PCNX2: variants seen among roughly 807,000 people sequenced by gnomAD.
PCNX2 encodes pecanex-like protein 2.
A neutral mutation model predicts 223.8 loss-of-function variants in PCNX2; 168 were observed. The ratio of observed to expected loss-of-function variants is 0.75; its 90% CI spans 0.66 to 0.85. The LOEUF is 0.85. Among genes scored for constraint, PCNX2 ranks in the 40% least tolerant of loss-of-function variants. The pLI, the probability that PCNX2 is intolerant of heterozygous loss-of-function variation, is 0.00. For synonymous variants in PCNX2, 1,006 were observed against 1,052.6 expected (o/e 0.96, Z 0.86); for missense variants, 2,507 against 2,675.5 (o/e 0.94, Z 1.39).
chr1:233,107,186 T>TACAC (rs112899127), intron 21 of PCNX2, among the ~76,000 whole-genome samples: 96 of 112,712 alleles, frequency 8.5e-4, no homozygotes, highest in Middle Eastern at 4.6e-3. Context: ...ACATGTATTA[T>TACAC]ACACACACAC....
At chr1:233,125,823 T>C (rs1453199583) in intron 21 of PCNX2, 1 of 152,188 alleles carries the variant, frequency 6.6e-6, no homozygotes, top group African/African-American at 2.4e-5. Flanking sequence ...AACTATGAAG[T>C]CAACAGATGG....
In PCNX2 at chr1:233,179,191, C is replaced by T; in HGVS notation, c.3067-16G>A. On this transcript the variant is annotated splice_polypyrimidine_tract_variant and intron_variant, in intron 15 of 33. Coordinates refer to ENST00000258229, the MANE Select transcript of PCNX2 (RefSeq NM_014801.4). ...TCCACGGTTCCTAAAGAAAAGACAT[C>T]AGTTAGCCAAGTCACTCCACAGCTG... is the stretch of plus-strand genomic sequence containing the variant. 1 of 1,612,756 alleles carries T rather than the reference C, an allele frequency of 6.2e-7. No individual in the cohort carries two copies. Among genetic ancestry groups the T allele is most frequent in the Non-Finnish European group, 8.5e-7 (1 of 1,179,088 alleles).
At chr1:233,033,612 C>T (rs1265719295) in intron 25 of PCNX2, among the ~76,000 whole-genome samples, 1 of 152,192 alleles carries the variant, frequency 6.6e-6, no homozygotes, top group Non-Finnish European at 1.5e-5. Context: ...AATAACATTG[C>T]ACAGTAAGTG....
At chr1:233,214,655 C>T (rs1186585289) in intron 12 of PCNX2, among the ~76,000 whole-genome samples, 1 of 152,136 alleles carries the variant, frequency 6.6e-6, no homozygotes, top group African/African-American at 2.4e-5. Flanking sequence ...TATATGGACA[C>T]CTGTGTAAGC....
chr1:233,236,050 T>C (rs1041528744), intron 9 of PCNX2, among the ~76,000 whole-genome samples: 1 of 148,796 alleles, frequency 6.7e-6, no homozygotes, highest in African/African-American at 2.5e-5. Context: ...AGGAAAAAGG[T>C]AAACAGAAAT....
chr1:233,294,939 C>T (rs2103033618), intron 1 of PCNX2, among the ~76,000 whole-genome samples: 1 of 152,184 alleles, frequency 6.6e-6, no homozygotes, highest in South Asian at 2.1e-4. Flanking sequence ...TTTTACATTT[C>T]GTTTTTCCTC....
intron 1 of PCNX2, among the ~76,000 whole-genome samples, chr1:233,263,945 G>A (rs1028506489): frequency 3.9e-5 from 6 of 152,154 alleles, no homozygotes; most frequent in Admixed American, 1.3e-4. Context: ...CTCCCACTGC[G>A]ATAACGCCTG....
In PCNX2 at chr1:232,984,387, CGA is replaced by C. The variant is rs1185256072; in HGVS notation, c.6329_6330del (p.Leu2110ArgfsTer64). The C allele has an allele frequency of 2.5e-6, 4 of 1,613,532 alleles. No homozygotes were observed. The highest frequency in any genetic ancestry group is 3.4e-6 in the Non-Finnish European group (4 of 1,179,844). On this transcript the variant is annotated frameshift_variant, in exon 34 of 34. Coordinates refer to ENST00000258229, the MANE Select transcript of PCNX2 (RefSeq NM_014801.4). LOFTEE classifies it high-confidence loss of function. ...TGGCTTGCTCTCCTGCAGACAACCCCGAGAGTGTCCGCCACAGCCTCAGCCAG... is the reference window on the plus strand; with the variant it reads ...TGGCTTGCTCTCCTGCAGACAACCCCGAGTGTCCGCCACAGCCTCAGCCAG... ...RCLAEAVADT[L>X]GVVCRRASQE...
intron 15 of PCNX2, among the ~76,000 whole-genome samples, chr1:233,185,909 T>C (rs1277725017): frequency 6.6e-6 from 1 of 152,178 alleles, no homozygotes; most frequent in Non-Finnish European, 1.5e-5. Flanking sequence ...TTTGAAATAT[T>C]TTTATGAGGT....
At chr1:233,235,830 G>C (rs1227401010) in intron 9 of PCNX2, among the ~76,000 whole-genome samples, 1 of 151,564 alleles carries the variant, frequency 6.6e-6, no homozygotes, top group Non-Finnish European at 1.5e-5. Flanking sequence ...TTGAACCCCT[G>C]ACCTCAGGTG....
At chr1:233,183,659 T>A (rs1005434549) in intron 15 of PCNX2, among the ~76,000 whole-genome samples, 1 of 152,212 alleles carries the variant, frequency 6.6e-6, no homozygotes, top group African/African-American at 2.4e-5. Flanking sequence ...CATTCATTCA[T>A]TCCTACAATG....
chr1:233,256,748 C>A (rs934053648), intron 5 of PCNX2, among the ~76,000 whole-genome samples: 1 of 152,158 alleles, frequency 6.6e-6, no homozygotes, highest in Non-Finnish European at 1.5e-5. Flanking sequence ...ATGATAAACA[C>A]CCAAATCTTT....
At chr1:233,054,661 C>T (rs1159987812) in intron 24 of PCNX2, 178 bp from the exon 25 acceptor site, 4 of 562,778 alleles carry the variant, frequency 7.1e-6, no homozygotes, top group Non-Finnish European at 1.2e-5. Context: ...CCAATTTTTT[C>T]CCTCAATATT....
the PCNX2 span, among the ~76,000 whole-genome samples, chr1:233,324,966 C>T: frequency 1.3e-5 from 2 of 152,158 alleles, no homozygotes; most frequent in African/African-American, 4.8e-5. Flanking sequence ...TATTACTACT[C>T]ATTGACAATG....
intron 26 of PCNX2, chr1:233,018,985 A>AG (rs1558166868): frequency 2.0e-6 from 2 of 985,358 alleles, no homozygotes; most frequent in Non-Finnish European, 2.4e-6. Context: ...ACCCTTTTCT[A>AG]GGGGGGCCCC....
In PCNX2 at chr1:233,110,167, T is replaced by C. The variant is rs1024514291; in HGVS notation, c.3838-14304A>G. ...ATATACAAATGAACAAATGAATAAATAAACAAACAACAAAAACCATATGCA... is the reference window on the plus strand; with the variant it reads ...ATATACAAATGAACAAATGAATAAACAAACAAACAACAAAAACCATATGCA... On this transcript the variant is annotated intron_variant, in intron 21 of 33. Coordinates refer to ENST00000258229, the MANE Select transcript of PCNX2 (RefSeq NM_014801.4). Among the ~76,000 whole-genome samples the C allele has an allele frequency of 4.6e-5, 7 of 151,674 alleles. No homozygotes were observed. The East Asian group carries it at 1.4e-3, about 29-fold the overall frequency.
chr1:233,255,645 C>A (rs1659695377), intron 5 of PCNX2, among the ~76,000 whole-genome samples: 1 of 152,094 alleles, frequency 6.6e-6, no homozygotes. Context: ...TGAGAATAAT[C>A]CTAAGGCGCT....
At chr1:233,250,684 C>T in intron 8 of PCNX2, 55 bp downstream of exon 8, 1 of 1,524,146 alleles carries the variant, frequency 6.6e-7, no homozygotes, top group Non-Finnish European at 8.8e-7. Flanking sequence ...ATCTTCATCG[C>T]TGTGTCTCCC....
chr1:233,156,161 A>G (rs889746736), intron 19 of PCNX2, among the ~76,000 whole-genome samples: 2 of 152,250 alleles, frequency 1.3e-5, no homozygotes, highest in African/African-American at 4.8e-5. Flanking sequence ...TCAATAAATT[A>G]GTCTCAAAGG....
Sources: allele counts gnomAD v4.1 joint callset (sites outside exome capture counted in the v4.1 genomes callset), GRCh38; gene constraint gnomAD v4.1.1; transcripts MANE v1.5; gene names NCBI Gene and HGNC (gene_info 2026-07-23, HGNC 2026-07-21).